Variants in MRC1 observed in about 807,000 individuals in gnomAD.
The protein encoded by MRC1 is macrophage mannose receptor 1.
In MRC1, 62 loss-of-function variants were observed where a neutral mutation model predicts 102.9. That is an observed-to-expected ratio of 0.60 (90% confidence interval 0.49 to 0.74). The LOEUF (loss-of-function observed/expected upper bound fraction) is 0.74, where lower values mean the gene tolerates loss of function less well. Among genes scored for constraint, MRC1 ranks in the 30% least tolerant of loss-of-function variants. The probability of loss-of-function intolerance (pLI) is 0.00; values close to 1 mark genes in which losing one functional copy is unlikely to be tolerated. For synonymous variants in MRC1, 457 were observed against 298.4 expected, an observed-to-expected ratio of 1.53 and a Z score of -5.48; for missense variants, 1,237 against 862.8, an observed-to-expected ratio of 1.43 and a Z score of -5.43.
At chr10:17,840,892 C>G (rs1197676357) in intron 5 of MRC1, 86 bp downstream of exon 5, 2 of 778,132 alleles carry the variant, frequency 2.6e-6, no homozygotes, top group African/African-American at 1.7e-5. Flanking sequence ...ACCTGTTGAT[C>G]TCAAAGAGAA....
At chr10:17,865,879 T>TA (rs1361274965) in intron 11 of MRC1, among the ~76,000 whole-genome samples, 10 of 152,216 alleles carry the variant, frequency 6.6e-5, no homozygotes, top group Non-Finnish European at 1.3e-4. Flanking sequence ...TTTAAAAGTC[T>TA]AATAATAAAA....
At position 17,846,837 on chromosome 10, in the gene MRC1, G is replaced by T. The variant is rs1838833003; in HGVS notation, c.1063+1402G>T. On this transcript the variant is annotated intron_variant, in intron 6 of 29. Transcript: ENST00000569591. Reference sequence around the variant, plus strand: ...TTTTTTGACCGATCTCCTGTGTAATGGATTTTTAATTTAATTTACTTCCAA... The same window carrying T: ...TTTTTTGACCGATCTCCTGTGTAATTGATTTTTAATTTAATTTACTTCCAA... Among the ~76,000 whole-genome samples, 3 of 152,080 alleles carry T rather than the reference G, an allele frequency of 2.0e-5. No individual in the cohort carries two copies. In the South Asian group the frequency reaches 6.2e-4, roughly 32 times the overall value.
At chr10:17,826,257 C>T (rs543677901) in intron 2 of MRC1, among the ~76,000 whole-genome samples, 1 of 152,114 alleles carries the variant, frequency 6.6e-6, no homozygotes, top group East Asian at 1.9e-4. Context: ...GGCTGGAGTA[C>T]AGTGGCGTGA....
At chr10:17,811,132 G>A (rs1325686626) in intron 1 of MRC1, among the ~76,000 whole-genome samples, 1 of 152,136 alleles carries the variant, frequency 6.6e-6, no homozygotes, top group South Asian at 2.1e-4. Context: ...CAGTAACTCG[G>A]AAATATTATC....
chr10:17,871,011 C>A, intron 14 of MRC1, 76 bp downstream of exon 14: 1 of 816,944 alleles, frequency 1.2e-6, no homozygotes. Flanking sequence ...TTTTTTAATG[C>A]AAACTTTTAA....
At chr10:17,833,901 A>C (rs1417605663) in intron 4 of MRC1, 62 bp downstream of exon 4, 4 of 770,192 alleles carry the variant, frequency 5.2e-6, no homozygotes, top group Non-Finnish European at 9.7e-6. Context: ...AATTTAACTT[A>C]GAAGTCAACA....
At chr10:17,865,251 G>A (rs1268784912) in intron 11 of MRC1, among the ~76,000 whole-genome samples, 1 of 152,166 alleles carries the variant, frequency 6.6e-6, no homozygotes, top group African/African-American at 2.4e-5. Flanking sequence ...TTCAATAAGG[G>A]AAATAGATCA....
At chr10:17,885,035 C>T (rs1833572518) in intron 21 of MRC1, among the ~76,000 whole-genome samples, 1 of 152,180 alleles carries the variant, frequency 6.6e-6, no homozygotes, top group Middle Eastern at 3.2e-3. Flanking sequence ...CAAGTGTCTT[C>T]AGTGGCCTAG....
In MRC1 at chr10:17,869,018, T is replaced by TA. The variant is rs1333071147; in HGVS notation, c.1984-1227dup. ...CTGAGGATGTTAGGCGATGGAGATT[T>TA]ATTGCAGTTTTCTGAGAGAATCAGC... On this transcript the variant is annotated intron_variant, in intron 12 of 29. Transcript: ENST00000569591. Among the ~76,000 whole-genome samples the TA allele has an allele frequency of 3.6e-3, 552 of 152,314 alleles. 2 individuals carry two copies. Among genetic ancestry groups the TA allele is most frequent in the Non-Finnish European group, 4.4e-3 (302 of 68,032 alleles).
chr10:17,819,453 A>ATGTGTGTGTGTGTGTGTGTGTG (rs59778334), intron 1 of MRC1, among the ~76,000 whole-genome samples: 15 of 145,668 alleles, frequency 1.0e-4, no homozygotes, highest in African/African-American at 3.3e-4. Flanking sequence ...TCAGAGTTGT[A>ATGTGTGTGTGTGTGTGTGTGTG]TGTGTGTGTG....
intron 2 of MRC1, among the ~76,000 whole-genome samples, 190 bp from the exon 3 acceptor site, chr10:17,827,352 G>A (rs1438454657): frequency 2.1e-5 from 2 of 96,630 alleles, no homozygotes; most frequent in African/African-American, 8.3e-5. Flanking sequence ...TAGGGTAGAA[G>A]GAGAAGGAAA....
chr10:17,893,357 A>G (rs997236127), intron 22 of MRC1, among the ~76,000 whole-genome samples: 8 of 151,984 alleles, frequency 5.3e-5, no homozygotes, highest in South Asian at 2.1e-4. Context: ...AGGTCTCCCT[A>G]TGTTGCCCAG....
At chr10:17,902,748 CAA>C (rs1833845247) in intron 26 of MRC1, among the ~76,000 whole-genome samples, 1 of 152,160 alleles carries the variant, frequency 6.6e-6, no homozygotes, top group African/African-American at 2.4e-5. Flanking sequence ...CACGTTCTTT[CAA>C]AAGTCAACCT....
chr10:17,866,821 A>T (rs897718660), intron 12 of MRC1, 60 bp downstream of exon 12: 2 of 779,988 alleles, frequency 2.6e-6, no homozygotes, highest in African/African-American at 1.7e-5. Flanking sequence ...CTAAAGAATC[A>T]TCTAAGGACA....
At chr10:17,903,939 G>A (rs1488085563) in intron 26 of MRC1, among the ~76,000 whole-genome samples, 1 of 151,202 alleles carries the variant, frequency 6.6e-6, no homozygotes, top group Non-Finnish European at 1.5e-5. Flanking sequence ...CTGGGCAACA[G>A]AGCGAGACTT....
intron 2 of MRC1, among the ~76,000 whole-genome samples, chr10:17,823,810 T>G (rs1021631067): frequency 1.3e-5 from 2 of 152,254 alleles, no homozygotes; most frequent in African/African-American, 2.4e-5. Context: ...CTAGTTAACA[T>G]TATAAAGTTG....
At chr10:17,840,173 C>T (rs2130624801) in intron 4 of MRC1, among the ~76,000 whole-genome samples, 1 of 151,558 alleles carries the variant, frequency 6.6e-6, no homozygotes, top group East Asian at 1.9e-4. Flanking sequence ...AGTCCTAGAA[C>T]AGAATTGGAA....
In MRC1 at chr10:17,909,302, A is replaced by G; in HGVS notation, c.4079-4A>G. On this transcript the variant is annotated splice_polypyrimidine_tract_variant and splice_region_variant and intron_variant, in intron 28 of 29. Coordinates refer to ENST00000569591, the MANE Select transcript of MRC1 (RefSeq NM_002438.4). ...TTTATAAATTTTTTTTTTTTTACAC[A>G]CAGTTATTGATGCTAAACCTACTCA... The G allele has an allele frequency of 1.2e-6, 1 of 867,268 alleles. No individual in the cohort carries two copies. Among genetic ancestry groups the G allele is most frequent in the Admixed American group, 1.7e-5 (1 of 58,490 alleles). The allele number at this position is 867,268 out of a possible 1,614,324, so 53.7% of individuals were successfully genotyped here.
chr10:17,834,543 G>T (rs1192620884), intron 4 of MRC1, among the ~76,000 whole-genome samples: 1 of 152,072 alleles, frequency 6.6e-6, no homozygotes, highest in Non-Finnish European at 1.5e-5. Flanking sequence ...CTCCCACGTA[G>T]CTGGGATTAC....
Sources: gnomAD v4.1 joint callset for allele counts (sites outside exome capture counted in the v4.1 genomes callset) on GRCh38, gnomAD v4.1.1 for gene constraint, MANE v1.5 for transcripts, NCBI Gene and HGNC (gene_info 2026-07-23, HGNC 2026-07-21) for gene names.